Variants in GABRR3 observed in about 807,000 individuals in gnomAD.
GABRR3 encodes the protein gamma-aminobutyric acid type A receptor subunit rho3.
GABRR3 carries 29 observed loss-of-function variants against 43.2 expected under a neutral mutation model. The ratio of observed to expected loss-of-function variants is 0.67; its 90% CI spans 0.50 to 0.92. The LOEUF (loss-of-function observed/expected upper bound fraction) is 0.92. GABRR3 is among the 40% of genes least tolerant of loss of function. The probability of loss-of-function intolerance (pLI) is 0.00; values close to 1 mark genes in which losing one functional copy is unlikely to be tolerated. For missense variants in GABRR3, 576 were observed against 572.3 expected (o/e 1.01, Z -0.07); for synonymous variants, 206 against 195.9 (o/e 1.05, Z -0.43).
intron 9 of GABRR3, among the ~76,000 whole-genome samples, chr3:97,987,887 C>A (rs1475807976): frequency 1.3e-5 from 2 of 152,000 alleles, no homozygotes; most frequent in Non-Finnish European, 2.9e-5. Context: ...AATGATCATT[C>A]CCACCTCCGC....
intron 2 of GABRR3, among the ~76,000 whole-genome samples, chr3:98,029,028 GA>G (rs139176983): frequency 1.9e-4 from 28 of 148,600 alleles, no homozygotes; most frequent in South Asian, 1.1e-3. Context: ...CCCCATTCTA[GA>G]AAAAAAAAAT....
At chr3:98,019,648 C>T (rs1323675612) in intron 3 of GABRR3, among the ~76,000 whole-genome samples, 6 of 151,978 alleles carry the variant, frequency 3.9e-5, no homozygotes, top group Admixed American at 6.6e-5. Context: ...GGCAGTGGCA[C>T]GATCTTGGCT....
chr3:98,034,754 C>A, intron 2 of GABRR3, 109 bp downstream of exon 2: 1 of 1,332,944 alleles, frequency 7.5e-7, no homozygotes, highest in Non-Finnish European at 1.0e-6. Context: ...GACATGGTTA[C>A]AAAGATGTGC....
intron 4 of GABRR3, among the ~76,000 whole-genome samples, chr3:98,014,717 A>T (rs1261719870): frequency 6.6e-6 from 1 of 152,204 alleles, no homozygotes; most frequent in Non-Finnish European, 1.5e-5. Flanking sequence ...TAGAATTTTT[A>T]TGTGTTCTGA....
At chr3:98,002,142 G>T (rs896705619) in intron 7 of GABRR3, among the ~76,000 whole-genome samples, 2 of 151,998 alleles carry the variant, frequency 1.3e-5, no homozygotes, top group Admixed American at 6.6e-5. Flanking sequence ...CCATTTATTA[G>T]CTATAACAAA....
At chr3:98,016,536 G>A (rs183800987) in intron 4 of GABRR3, among the ~76,000 whole-genome samples, 32 of 152,174 alleles carry the variant, frequency 2.1e-4, no homozygotes, top group Admixed American at 1.7e-3. Flanking sequence ...TTTATAAACT[G>A]CCCAGCCTCA....
intron 9 of GABRR3, among the ~76,000 whole-genome samples, chr3:97,989,959 T>C (rs1706440248): frequency 6.6e-6 from 1 of 152,170 alleles, no homozygotes; most frequent in Non-Finnish European, 1.5e-5. Flanking sequence ...TCTCTAATAC[T>C]GGCTTCCAAC....
intron 5 of GABRR3, among the ~76,000 whole-genome samples, chr3:98,011,231 A>C (rs1159184770): frequency 3.3e-5 from 5 of 152,228 alleles, no homozygotes; most frequent in African/African-American, 1.2e-4. Context: ...TTTAACGAGC[A>C]AAAATAATCT....
chr3:97,993,041 G>A (rs1706491198), exon 9 of GABRR3: 7 of 1,594,332 alleles, frequency 4.4e-6, no homozygotes, highest in Non-Finnish European at 5.1e-6. Context: ...TCAGCACTGT[G>A]GTGATTCCTG....
Position 98,003,416 on chromosome 3 carries a change from CTTT to C in GABRR3, c.755-1652_755-1650del, listed in dbSNP as rs35589224. 1.2e-4 allele frequency among the ~76,000 whole-genome samples: 16 copies of C among 133,470 alleles called. No homozygotes were observed. The South Asian group carries it at 1.4e-3, about 12-fold the overall frequency. 87.6% of individuals were successfully genotyped at this position (133,470 alleles called of 152,430 possible). On this transcript the variant is annotated intron_variant, in intron 7 of 9. Coordinates refer to ENST00000621172, the Ensembl canonical transcript of GABRR3. ...CATAATTTTCTGAAGAACAGTTGTCCTTTTTTTTTTTTTTTGGTGGGGTGGGGG... is the reference window on the plus strand; with the variant it reads ...CATAATTTTCTGAAGAACAGTTGTCCTTTTTTTTTTTTGGTGGGGTGGGGG...
At chr3:98,031,696 T>C (rs761372908) in intron 2 of GABRR3, among the ~76,000 whole-genome samples, 1 of 151,874 alleles carries the variant, frequency 6.6e-6, no homozygotes, top group Non-Finnish European at 1.5e-5. Context: ...TGAACTATGA[T>C]TGGACCACCG....
intron 2 of GABRR3, among the ~76,000 whole-genome samples, chr3:98,027,871 T>A (rs949264751): frequency 6.6e-6 from 1 of 152,154 alleles, no homozygotes; most frequent in Non-Finnish European, 1.5e-5. Context: ...CCAGTGAATC[T>A]AAATATACAC....
intron 2 of GABRR3, among the ~76,000 whole-genome samples, chr3:98,029,755 T>C (rs542029775): frequency 6.6e-6 from 1 of 152,264 alleles, no homozygotes; most frequent in South Asian, 2.1e-4. Context: ...ATTGAAGCCA[T>C]AACTGTCATT....
chr3:97,995,022 AGGCTGGAGTGCAGT>A (rs1268570706), intron 8 of GABRR3, among the ~76,000 whole-genome samples: 1 of 151,676 alleles, frequency 6.6e-6, no homozygotes, highest in African/African-American at 2.4e-5. Context: ...CTTGTCCCCC[AGGCTGGAGTGCAGT>A]GGCACGATCT....
intron 5 of GABRR3, among the ~76,000 whole-genome samples, chr3:98,009,892 A>C (rs567149819): frequency 2.8e-4 from 43 of 152,344 alleles, no homozygotes; most frequent in African/African-American, 9.6e-4. Context: ...GTGTATTCCT[A>C]GTACTTTAAA....
Position 98,034,069 on chromosome 3 carries a change from C to A in GABRR3, c.125+794G>T, listed in dbSNP as rs540732772. On this transcript the variant is annotated intron_variant, in intron 2 of 9. Coordinates refer to ENST00000621172, the Ensembl canonical transcript of GABRR3. ...CTGCCAGTGTTGACCAGATGATACT[C>A]TTCATTCCTCAATTTCTCCTTTTGG... Among the ~76,000 whole-genome samples, 3 of 152,240 alleles carry A rather than the reference C, an allele frequency of 2.0e-5. No individual in the cohort carries two copies. In the East Asian group the frequency reaches 5.8e-4, roughly 29 times the overall value.
chr3:98,009,106 T>C (rs1706757992), intron 5 of GABRR3, 68 bp from the exon 6 acceptor site: 3 of 985,832 alleles, frequency 3.0e-6, no homozygotes. Context: ...GCATGCAACA[T>C]TGAAGCTTTC....
At chr3:98,011,108 C>G (rs990631336) in intron 5 of GABRR3, among the ~76,000 whole-genome samples, 3 of 151,808 alleles carry the variant, frequency 2.0e-5, no homozygotes, top group African/African-American at 7.3e-5. Flanking sequence ...CCTCCCCCAA[C>G]CCCCCCAAAA....
intron 5 of GABRR3, among the ~76,000 whole-genome samples, chr3:98,010,543 G>GA (rs1312761352): frequency 6.6e-6 from 1 of 152,010 alleles, no homozygotes; most frequent in Non-Finnish European, 1.5e-5. Context: ...TTGGCCCCCG[G>GA]ACCCAAAGTA....
Sources: gnomAD v4.1 joint callset for allele counts (sites outside exome capture counted in the v4.1 genomes callset) on GRCh38, gnomAD v4.1.1 for gene constraint, MANE v1.5 for transcripts, NCBI Gene and HGNC (gene_info 2026-07-23, HGNC 2026-07-21) for gene names.